STEAP4: variants seen among roughly 807,000 people sequenced by gnomAD.
The protein encoded by STEAP4 is STEAP4 metalloreductase, also known as metalloreductase STEAP4.
A neutral mutation model predicts 43.6 loss-of-function variants in STEAP4; 36 were observed. The observed-to-expected ratio is 0.83, with a 90% CI of 0.63 to 1.09. STEAP4 has a LOEUF of 1.09. Among genes scored for constraint, STEAP4 ranks in the 50% least tolerant of loss-of-function variants. STEAP4 has a pLI of 0.00. For missense variants in STEAP4, 495 were observed against 546.5 expected (o/e 0.91, Z 0.94); for synonymous variants, 191 against 196.7 (o/e 0.97, Z 0.24).
intron 1 of STEAP4, among the ~76,000 whole-genome samples, chr7:88,298,742 C>G (rs911005548): frequency 2.0e-5 from 3 of 152,092 alleles, no homozygotes; most frequent in Non-Finnish European, 4.4e-5. Flanking sequence ...TTACTAATTG[C>G]TATAGATTAA....
chr7:88,303,545 A>G (rs1853076477), intron 1 of STEAP4, among the ~76,000 whole-genome samples: 1 of 151,942 alleles, frequency 6.6e-6, no homozygotes, highest in Non-Finnish European at 1.5e-5. Flanking sequence ...GAAATATGTG[A>G]CTGCCAAAGT....
In STEAP4 at chr7:88,284,021, T is replaced by C. The variant is rs773367662; in HGVS notation, c.249A>G (p.Arg83=). ...ATTCTGTGAGAAAATCATAATGCTC[T>C]CTGTGGATTGCTATGATTATGATGC... The part of the protein sequence containing the change: ...KSGIIIIAIH[R]EHYDFLTELT... The change falls in exon 2 of 5, where the codon AGA becomes AGG. Residue 83 remains arginine, a synonymous_variant. Transcript: ENST00000380079. 11 of 1,614,170 alleles carry C rather than the reference T, an allele frequency of 6.8e-6. 1 individual carries two copies. The South Asian group carries it at 1.2e-4, about 18-fold the overall frequency.
rs145577446 is a variant in STEAP4, at chr7:88,273,879, A to T, written c.*5519T>A. ...ACAGATCCTGTGTTTCTACAACCTTAGAGGACGAATTGAAATCAGCATAGA... is the reference window on the plus strand; with the variant it reads ...ACAGATCCTGTGTTTCTACAACCTTTGAGGACGAATTGAAATCAGCATAGA... On this transcript the variant is annotated 3_prime_UTR_variant, in exon 5 of 5. Coordinates refer to ENST00000380079, the MANE Select transcript of STEAP4 (RefSeq NM_024636.4). The T allele has an allele frequency of 7.9e-4, 120 of 152,354 alleles. No individual in the cohort carries two copies. Among genetic ancestry groups the T allele is most frequent in the African/African-American group, 2.7e-3 (114 of 41,584 alleles). 9.4% of individuals were successfully genotyped at this position (152,354 alleles called of 1,614,324 possible).
At chr7:88,294,224 G>A (rs534591295) in intron 1 of STEAP4, among the ~76,000 whole-genome samples, 10 of 152,076 alleles carry the variant, frequency 6.6e-5, no homozygotes, top group African/African-American at 2.4e-4. Context: ...TTTATGTGAC[G>A]GGTTGCAGTC....
intron 1 of STEAP4, among the ~76,000 whole-genome samples, chr7:88,294,129 C>G (rs1852887373): frequency 6.6e-6 from 1 of 151,090 alleles, no homozygotes; most frequent in African/African-American, 2.4e-5. Flanking sequence ...TTAAGCATCC[C>G]TAACCCAAAA....
chr7:88,298,860 C>T (rs1852977646), intron 1 of STEAP4, among the ~76,000 whole-genome samples: 1 of 152,108 alleles, frequency 6.6e-6, no homozygotes, highest in South Asian at 2.1e-4. Flanking sequence ...TTTTGTATCC[C>T]ATAGCAACTG....
Position 88,283,798 on chromosome 7 carries a change from A to G in STEAP4, c.456+16T>C. 1 of 1,595,972 alleles carries G rather than the reference A, an allele frequency of 6.3e-7. No homozygotes were observed. The highest frequency in any genetic ancestry group is 1.3e-5 in the African/African-American group (1 of 74,258). ...TTCATGTTTTAAAGATTGAGTGTAA[A>G]TTTGTTTATTCTTACCTGCCGACTT... On this transcript the variant is annotated intron_variant, in intron 2 of 4. Transcript: ENST00000380079.
At chr7:88,293,272 T>C (rs188452023) in intron 1 of STEAP4, among the ~76,000 whole-genome samples, 100 of 152,314 alleles carry the variant, frequency 6.6e-4, no homozygotes, top group African/African-American at 2.3e-3. Flanking sequence ...GAGAAGTCTC[T>C]TCATGTATTT....
intron 1 of STEAP4, among the ~76,000 whole-genome samples, chr7:88,306,159 G>C (rs550731940): frequency 6.6e-6 from 1 of 152,162 alleles, no homozygotes; most frequent in African/African-American, 2.4e-5. Context: ...TTGAGCCACC[G>C]TACCCAGCCT....
intron 1 of STEAP4, among the ~76,000 whole-genome samples, chr7:88,289,177 C>A (rs981781951): frequency 6.6e-6 from 1 of 151,706 alleles, no homozygotes; most frequent in Non-Finnish European, 1.5e-5. Context: ...TATAAATATT[C>A]GTTGAACTAT....
chr7:88,278,919 C>A lies in STEAP4; in HGVS notation c.*479G>T. ...TTTACTTCCAAAAAACAACAAAAACCTCATTCCCTTTTTACATTTCATGTG... is the reference window on the plus strand; with the variant it reads ...TTTACTTCCAAAAAACAACAAAAACATCATTCCCTTTTTACATTTCATGTG... On this transcript the variant is annotated 3_prime_UTR_variant, in exon 5 of 5. Coordinates refer to ENST00000380079, the MANE Select transcript of STEAP4 (RefSeq NM_024636.4). The A allele has an allele frequency of 6.4e-6, 1 of 155,760 alleles. No individual in the cohort carries two copies. Among genetic ancestry groups the A allele is most frequent in the Non-Finnish European group, 1.4e-5 (1 of 69,868 alleles). 9.6% of individuals were successfully genotyped at this position (155,760 alleles called of 1,614,324 possible). A position where few individuals can be genotyped will look rare whatever the true frequency, so the allele number is the denominator to read the frequency against.
intron 4 of STEAP4, 87 bp from the exon 5 acceptor site, chr7:88,279,715 C>G: frequency 9.0e-7 from 1 of 1,105,258 alleles, no homozygotes; most frequent in Non-Finnish European, 1.3e-6. Context: ...TATTTGTCAA[C>G]AACCACAAAC....
intron 2 of STEAP4, 68 bp from the exon 3 acceptor site, chr7:88,283,236 G>A (rs1346355349): frequency 6.9e-7 from 1 of 1,440,918 alleles, no homozygotes; most frequent in Non-Finnish European, 9.2e-7. Context: ...ATTTTGAAAG[G>A]CTACAACAGC....
chr7:88,295,070 C>A (rs1175617931), intron 1 of STEAP4, among the ~76,000 whole-genome samples: 4 of 151,998 alleles, frequency 2.6e-5, no homozygotes, highest in Non-Finnish European at 5.9e-5. Flanking sequence ...ATTATAAAAA[C>A]AAGTGTAAAG....
chr7:88,282,650 G>C lies in STEAP4; in HGVS notation c.975C>G (p.Thr325=), dbSNP rs148006080. 1 of 1,612,370 alleles carries C rather than the reference G, an allele frequency of 6.2e-7. No individual in the cohort carries two copies. The change falls in exon 3 of 5, where the codon ACC becomes ACG. Residue 325 remains threonine, a synonymous_variant. Coordinates refer to ENST00000380079, the MANE Select transcript of STEAP4 (RefSeq NM_024636.4). ...ATAAGAAGAGATTTACCTGGGTAAC[G>C]GTTAAGTTTCCCAATCTCCATCGTA... ...YYVRWRLGNL[T]VTQAILKKEN... is the part of the protein sequence containing the mutation.
intron 4 of STEAP4, among the ~76,000 whole-genome samples, chr7:88,279,838 A>G (rs977794805): frequency 1.3e-5 from 2 of 152,240 alleles, no homozygotes; most frequent in African/African-American, 4.8e-5. Flanking sequence ...TACAAATGAC[A>G]TAGTAGCTTC....
chr7:88,283,133 T>A lies in STEAP4; in HGVS notation c.492A>T (p.Gln164His). 6.4e-7 allele frequency: 1 copy of A among 1,567,312 alleles called. No individual in the cohort carries two copies. ...GATTACGAACAATATCCATCACTCTTTGCTTGGCTTTGCTGTCATTTCCAC... is the reference window on the plus strand; with the variant it reads ...GATTACGAACAATATCCATCACTCTATGCTTGGCTTTGCTGTCATTTCCAC... ...FVCGNDSKAK[Q>H]RVMDIVRNLG... The change falls in exon 3 of 5, where the codon CAA becomes CAT. Residue 164 changes from glutamine (Q) to histidine (H), a missense_variant. Transcript: ENST00000380079.
rs1299685494 is a variant in STEAP4, at chr7:88,279,160, G to T, written c.*238C>A. On this transcript the variant is annotated 3_prime_UTR_variant, in exon 5 of 5. Coordinates refer to ENST00000380079, the MANE Select transcript of STEAP4 (RefSeq NM_024636.4). ...CTCAATCTCAGCTCCATGGCCTCTG[G>T]GAAAATAAGAGTCAGGGACCTGCAC... The T allele has an allele frequency of 2.0e-6, 1 of 504,748 alleles. No homozygotes were observed. Among genetic ancestry groups the T allele is most frequent in the African/African-American group, 1.9e-5 (1 of 51,894 alleles). The allele number at this position is 504,748 out of a possible 1,614,324, so 31.3% of individuals were successfully genotyped here.
intron 1 of STEAP4, among the ~76,000 whole-genome samples, chr7:88,295,738 T>C (rs542744761): frequency 7.2e-5 from 11 of 152,076 alleles, no homozygotes; most frequent in Non-Finnish European, 1.5e-4. Flanking sequence ...TAAAACAAAC[T>C]TAAGCGATTC....
Sources: allele counts gnomAD v4.1 joint callset (sites outside exome capture counted in the v4.1 genomes callset), GRCh38; gene constraint gnomAD v4.1.1; transcripts MANE v1.5; gene names NCBI Gene and HGNC (gene_info 2026-07-23, HGNC 2026-07-21).